The following ABCA6 variants were observed in gnomAD, a reference collection of about 807,000 sequenced individuals.
ABCA6 encodes the protein ATP-binding cassette sub-family A member 6.
In ABCA6, 164 loss-of-function variants were observed where a neutral mutation model predicts 191.2. That is an observed-to-expected ratio of 0.86 (90% CI 0.76 to 0.98). The LOEUF is 0.98. Among genes scored for constraint, ABCA6 ranks in the 50% least tolerant of loss-of-function variants. ABCA6 has a pLI of 0.00. For synonymous variants in ABCA6, 636 were observed against 647.7 expected (o/e 0.98, Z 0.27); for missense variants, 1,958 against 1,894.1 (o/e 1.03, Z -0.63).
chr17:69,130,889 C>T (rs977454291), intron 6 of ABCA6, among the ~76,000 whole-genome samples: 4 of 152,142 alleles, frequency 2.6e-5, no homozygotes, highest in Non-Finnish European at 5.9e-5. Flanking sequence ...TCTCTCTAAT[C>T]CTATTCATGA....
intron 18 of ABCA6, among the ~76,000 whole-genome samples, chr17:69,107,096 C>T (rs2144660862): frequency 6.6e-6 from 1 of 152,262 alleles, no homozygotes; most frequent in South Asian, 2.1e-4. Context: ...ATGTATCTTA[C>T]ATCTGTGATT....
At position 69,112,193 on chromosome 17, in the gene ABCA6, A is replaced by T; in HGVS notation, c.2122T>A (p.Tyr708Asn). 6.2e-7 allele frequency: 1 copy of T among 1,610,120 alleles called. No individual in the cohort carries two copies. The highest frequency in any genetic ancestry group is 8.5e-7 in the Non-Finnish European group (1 of 1,176,884). ...TCCCAAAGTCTTTACCTTAGGTGATATCCAAGACCCCACCTTCTTTTCAAA... is the reference window on the plus strand; with the variant it reads ...TCCCAAAGTCTTTACCTTAGGTGATTTCCAAGACCCCACCTTCTTTTCAAA... ...MFLKRRWGLG[Y>N]HLSLHRNEIC... The change falls in exon 16 of 39, where the codon TAT becomes AAT. Residue 708 changes from tyrosine to asparagine, a missense_variant. Tyr to Asn is a moderately radical substitution (Grantham distance 143). Coordinates refer to ENST00000284425, the MANE Select transcript of ABCA6 (RefSeq NM_080284.3).
Position 69,107,635 on chromosome 17 carries a change from A to C in ABCA6, c.2389+61T>G, listed in dbSNP as rs1008106569. ...GAATCACCCATAAGAAATTATAAAT[A>C]CTAAATTGACACATGATCATTTGGG... On this transcript the variant is annotated intron_variant, in intron 18 of 38. Coordinates refer to ENST00000284425, the MANE Select transcript of ABCA6 (RefSeq NM_080284.3). 3.5e-6 allele frequency: 4 copies of C among 1,154,414 alleles called. No individual in the cohort carries two copies. In the Admixed American group the frequency reaches 8.5e-5, roughly 25 times the overall value. 71.5% of individuals were successfully genotyped at this position (1,154,414 alleles called of 1,614,324 possible). A position where few individuals can be genotyped will look rare whatever the true frequency, so the allele number is the denominator to read the frequency against.
At chr17:69,083,437 T>A (rs1042287401) in intron 34 of ABCA6, 106 bp from the exon 35 acceptor site, 1 of 1,170,626 alleles carries the variant, frequency 8.5e-7, no homozygotes, top group Non-Finnish European at 1.1e-6. Context: ...TGCAAAAAAA[T>A]AGTGCAATGT....
chr17:69,117,531 C>T (rs2073558980), intron 11 of ABCA6, among the ~76,000 whole-genome samples: 2 of 151,930 alleles, frequency 1.3e-5, no homozygotes. Context: ...GTTAACCTCA[C>T]CAGTACATAT....
rs1486212428 is a variant in ABCA6 at position 69,089,500 on chromosome 17, C to G, written c.3571G>C (p.Glu1191Gln). The change falls in exon 27 of 39, where the codon GAA (glutamate) becomes CAA (glutamine). Residue 1191 changes from glutamate (E) to glutamine (Q), a missense_variant. Physicochemically the swap from Glu to Gln is conservative, Grantham distance 29. Transcript: ENST00000284425. ...HYREFPEANF[E>Q]LSATDFLVCF... is the part of the protein sequence containing the mutation. ...ACTAGAAAATCAGTGGCACTCAATT[C>G]AAAATTTGCCTCTGGAAATTCTCTG... 6.2e-7 allele frequency: 1 copy of G among 1,613,584 alleles called. No homozygotes were observed. Among genetic ancestry groups the G allele is most frequent in the Non-Finnish European group, 8.5e-7 (1 of 1,179,924 alleles).
At chr17:69,134,909 G>GTCTCACTC (rs1417110141) in intron 4 of ABCA6, among the ~76,000 whole-genome samples, 167 bp from the exon 5 acceptor site, 5 of 5,222 alleles carry the variant, frequency 9.6e-4, no homozygotes, top group African/African-American at 5.7e-3. Flanking sequence ...TGGAGATGAA[G>GTCTCACTC]TCTCACTCTG....
At chr17:69,091,380 T>C (rs964864334) in intron 25 of ABCA6, 118 bp from the exon 26 acceptor site, 4 of 1,079,710 alleles carry the variant, frequency 3.7e-6, no homozygotes, top group Non-Finnish European at 5.3e-6. Flanking sequence ...TATGCAGATA[T>C]ACCCATTTGA....
chr17:69,111,054 C>T, intron 16 of ABCA6, 114 bp from the exon 17 acceptor site: 1 of 963,240 alleles, frequency 1.0e-6, no homozygotes. Context: ...CTTTATGGAA[C>T]AAAAAGATGA....
chr17:69,112,062 C>T (rs997953679), intron 16 of ABCA6, 121 bp downstream of exon 16: 4 of 708,482 alleles, frequency 5.6e-6, no homozygotes, highest in Admixed American at 2.4e-5. Flanking sequence ...ATTCAGGAAA[C>T]ACTGATCAAT....
rs750285077 is a variant in ABCA6, at chr17:69,124,961, T to G, written c.1194A>C (p.Ala398=). ...DPSGDSYTMI[A]TFSMLLLDGL... ...CATCCAAAAGCAACATAGAAAAAGT[T>G]GCTATCATTGTATATGAGTCTCCTG... The change falls in exon 9 of 39, where the codon GCA becomes GCC. Residue 398 remains alanine (A), a synonymous_variant. Coordinates refer to ENST00000284425, the MANE Select transcript of ABCA6 (RefSeq NM_080284.3). 1 of 1,572,044 alleles carries G rather than the reference T, an allele frequency of 6.4e-7. No individual in the cohort carries two copies. The highest frequency in any genetic ancestry group is 1.2e-5 in the South Asian group (1 of 84,334).
Position 69,078,805 on chromosome 17 carries a change from C to T in ABCA6, c.*168G>A. ...CTTTATCACAGGTTTGCTATCACCC[C>T]TATGTTTGAGAGGAAGAATAATTTT... On this transcript the variant is annotated 3_prime_UTR_variant, in exon 39 of 39. Transcript: ENST00000284425. 1 of 473,236 alleles carries T rather than the reference C, an allele frequency of 2.1e-6. No homozygotes were observed. Among genetic ancestry groups the T allele is most frequent in the Non-Finnish European group, 3.6e-6 (1 of 274,836 alleles). The allele number at this position is 473,236 out of a possible 1,614,324, so 29.3% of individuals were successfully genotyped here. A position where few individuals can be genotyped will look rare whatever the true frequency, so the allele number is the denominator to read the frequency against.
intron 26 of ABCA6, among the ~76,000 whole-genome samples, 175 bp downstream of exon 26, chr17:69,090,968 G>T (rs777675788): frequency 1.3e-5 from 2 of 152,174 alleles, no homozygotes; most frequent in African/African-American, 2.4e-5. Context: ...TTACAGAGTT[G>T]TGCAAGCATC....
chr17:69,096,569 A>C, intron 24 of ABCA6, 59 bp downstream of exon 24: 1 of 1,220,948 alleles, frequency 8.2e-7, no homozygotes, highest in Non-Finnish European at 1.1e-6. Flanking sequence ...TAAAATAACA[A>C]TGTTAAAATT....
rs186826287 is a variant in ABCA6 at position 69,081,589 on chromosome 17, A to C, written c.4617-444T>G. On this transcript the variant is annotated intron_variant, in intron 36 of 38. Transcript: ENST00000284425. ...TTTACAATGGAAAATATAAACACTT[A>C]AACAAAAGTAAATTCAGGACTATTT... Among the ~76,000 whole-genome samples, 467 of 152,346 alleles carry C rather than the reference A, an allele frequency of 3.1e-3. 1 individual carries two copies. The highest frequency in any genetic ancestry group is 0.011 in the African/African-American group (443 of 41,582).
At chr17:69,104,075 C>T (rs1254105902) in intron 20 of ABCA6, 1 of 152,004 alleles carries the variant, frequency 6.6e-6, no homozygotes, top group African/African-American at 2.4e-5. Context: ...CACCCCACTC[C>T]ACCTCCACAG....
At chr17:69,101,081 A>T in intron 21 of ABCA6, 147 bp from the exon 22 acceptor site, 1 of 615,744 alleles carries the variant, frequency 1.6e-6, no homozygotes. Context: ...TACCTTCCTC[A>T]TCTATGAAAA....
intron 28 of ABCA6, chr17:69,087,740 T>C (rs1462616206): frequency 1.1e-5 from 5 of 461,744 alleles, no homozygotes; most frequent in Non-Finnish European, 1.9e-5. Flanking sequence ...CTCTTTAAAA[T>C]TCATGTCACT....
At chr17:69,089,802 AAAGCATATGTTATTACTG>A (rs1001762425) in intron 26 of ABCA6, among the ~76,000 whole-genome samples, 58 of 152,328 alleles carry the variant, frequency 3.8e-4, no homozygotes, top group African/African-American at 1.2e-3. Flanking sequence ...ACATTTGCAG[AAAGCATATGTTATTACTG>A]AAGCATATGT....
Sources: allele counts gnomAD v4.1 joint callset (sites outside exome capture counted in the v4.1 genomes callset), GRCh38; gene constraint gnomAD v4.1.1; transcripts MANE v1.5; gene names NCBI Gene and HGNC (gene_info 2026-07-23, HGNC 2026-07-21).